The following ADAMTS13 variants were observed in gnomAD, a reference collection of about 807,000 sequenced individuals.
ADAMTS13 encodes the protein A disintegrin and metalloproteinase with thrombospondin motifs 13.
ADAMTS13 carries 110 observed loss-of-function variants against 155.1 expected under a neutral mutation model. The observed-to-expected ratio is 0.71, with a 90% CI of 0.61 to 0.83. The LOEUF (loss-of-function observed/expected upper bound fraction) is 0.83, where lower values mean the gene tolerates loss of function less well. Among genes scored for constraint, ADAMTS13 ranks in the 40% least tolerant of loss-of-function variants. The pLI is 0.00. For synonymous variants in ADAMTS13, 758 were observed against 756.4 expected, an observed-to-expected ratio of 1.00 and a Z score of -0.03; for missense variants, 1,707 against 1,891.7, an observed-to-expected ratio of 0.90 and a Z score of 1.81.
At chr9:133,433,082 G>C (rs1840891510) in intron 9 of ADAMTS13, among the ~76,000 whole-genome samples, 3 of 146,670 alleles carry the variant, frequency 2.0e-5, no homozygotes, top group Admixed American at 1.4e-4. Flanking sequence ...AGGGGTCCCT[G>C]GGGGGTTCTG....
intron 9 of ADAMTS13, among the ~76,000 whole-genome samples, chr9:133,433,092 G>T (rs1351173382): frequency 7.0e-6 from 1 of 142,862 alleles, no homozygotes; most frequent in Non-Finnish European, 1.5e-5. Flanking sequence ...GGGGGGTTCT[G>T]TGTGTATGTT....
chr9:133,433,503 C>A lies in ADAMTS13; in HGVS notation c.1218C>A (p.Thr406=). Residue 406 remains threonine, a synonymous_variant, in exon 10 of 29, where the codon ACC becomes ACA. Transcript: ENST00000355699. ...CSRSCGGGVV[T]RRRQCNNPRP... ...GCTCCTGCGGAGGAGGTGTGGTCAC[C>A]AGGAGGCGGCAGTGCAACAACCCCA... is the stretch of plus-strand genomic sequence containing the variant. The A allele has an allele frequency of 6.2e-7, 1 of 1,613,528 alleles. No individual in the cohort carries two copies. Among genetic ancestry groups the A allele is most frequent in the Non-Finnish European group, 8.5e-7 (1 of 1,179,892 alleles).
At chr9:133,438,126 G>A in intron 13 of ADAMTS13, 120 bp from the exon 14 acceptor site, 1 of 1,547,732 alleles carries the variant, frequency 6.5e-7, no homozygotes, top group Non-Finnish European at 8.9e-7. Context: ...TAGATGGTGG[G>A]GTGCTATAGA....
chr9:133,437,296 G>A (rs782460473), intron 12 of ADAMTS13, among the ~76,000 whole-genome samples: 4 of 152,132 alleles, frequency 2.6e-5, no homozygotes, highest in Non-Finnish European at 1.5e-5. Context: ...TTGCTCTGTC[G>A]CCCAGGCTGG....
Position 133,425,660 on chromosome 9 carries a change from A to G in ADAMTS13, c.414+48A>G. On this transcript the variant is annotated intron_variant, in intron 4 of 28. Coordinates refer to ENST00000355699, the MANE Select transcript of ADAMTS13 (RefSeq NM_139027.6). The surrounding 1 kb of genome is among the most constrained non-coding windows in gnomAD (Gnocchi z 4.6). The stretch of plus-strand genomic sequence containing the variant: ...GCACACCATACAGAGCGGGAAGCCC[A>G]AGTCATCGCATCTCCATCCTCTTTA... 6.3e-7 allele frequency: 1 copy of G among 1,580,706 alleles called. No individual in the cohort carries two copies. Among genetic ancestry groups the G allele is most frequent in the Non-Finnish European group, 8.6e-7 (1 of 1,156,806 alleles).
chr9:133,437,035 G>T (rs940761244), intron 12 of ADAMTS13, 80 bp downstream of exon 12: 5 of 1,510,088 alleles, frequency 3.3e-6, no homozygotes, highest in Non-Finnish European at 4.4e-6. Flanking sequence ...AGGGGGGTTG[G>T]CCTACTATCC....
intron 28 of ADAMTS13, among the ~76,000 whole-genome samples, chr9:133,458,576 A>AAAAAAAAAG (rs1842891463): frequency 6.7e-6 from 1 of 149,672 alleles, no homozygotes; most frequent in South Asian, 2.1e-4. Context: ...AAAAAAAAAA[A>AAAAAAAAAG]GCGAAATGGT....
intron 11 of ADAMTS13, among the ~76,000 whole-genome samples, chr9:133,434,126 G>C (rs1478844155): frequency 6.6e-6 from 1 of 151,568 alleles, no homozygotes; most frequent in East Asian, 1.9e-4. Context: ...AAAAGAGAGA[G>C]AAGGACATTG....
At chr9:133,416,358 C>T (rs990107488) in intron 1 of ADAMTS13, among the ~76,000 whole-genome samples, 3 of 152,192 alleles carry the variant, frequency 2.0e-5, no homozygotes, top group African/African-American at 4.8e-5. Flanking sequence ...CTGGGGATCA[C>T]ATTTCTTTTT....
intron 8 of ADAMTS13, among the ~76,000 whole-genome samples, chr9:133,431,379 T>C (rs1353948953): frequency 6.7e-6 from 1 of 149,912 alleles, no homozygotes; most frequent in Non-Finnish European, 1.5e-5. Flanking sequence ...CAGGCTGGAG[T>C]GCAGTGGCAC....
At chr9:133,434,732 C>G (rs992532640) in intron 11 of ADAMTS13, among the ~76,000 whole-genome samples, 1 of 152,208 alleles carries the variant, frequency 6.6e-6, no homozygotes, top group Non-Finnish European at 1.5e-5. Context: ...AGTTTCAGAA[C>G]GTTTCCAGTA....
chr9:133,432,473 G>A, intron 8 of ADAMTS13, 115 bp from the exon 9 acceptor site: 8 of 924,990 alleles, frequency 8.6e-6, no homozygotes, highest in Non-Finnish European at 1.4e-5. Context: ...CCACGGTGCA[G>A]AGTGTTGGCT....
chr9:133,415,655 T>C (rs1839547648), intron 1 of ADAMTS13: 1 of 152,392 alleles, frequency 6.6e-6, no homozygotes. Flanking sequence ...AGGCGGGTGC[T>C]ACTTACCTGT....
chr9:133,433,808 C>T (rs587758195), intron 11 of ADAMTS13, 104 bp downstream of exon 11: 2 of 1,395,890 alleles, frequency 1.4e-6, no homozygotes, highest in South Asian at 2.4e-5. Context: ...TTGAGAAGGA[C>T]ATTGGGGCCA....
intron 6 of ADAMTS13, among the ~76,000 whole-genome samples, chr9:133,427,583 A>G (rs138820179): frequency 5.6e-4 from 85 of 152,240 alleles, no homozygotes; most frequent in African/African-American, 2.0e-3. Flanking sequence ...AGAAGACGTG[A>G]GCCCCCAAAC....
rs587698109 is a variant in ADAMTS13, at chr9:133,425,551, C to T, written c.353C>T (p.Pro118Leu). The T allele has an allele frequency of 6.8e-6, 11 of 1,613,542 alleles. No homozygotes were observed. In the East Asian group the frequency reaches 8.9e-5, roughly 13 times the overall value. ...CAGGGGGCAGAACTGCTTCGGGACCCGTCCCTGGGGGCTCAGTTTCGGGTG... is the reference window on the plus strand; with the variant it reads ...CAGGGGGCAGAACTGCTTCGGGACCTGTCCCTGGGGGCTCAGTTTCGGGTG... ...LNIGAELLRDPSLGAQFRVHL... is the reference protein window; with the variant it reads ...LNIGAELLRDLSLGAQFRVHL... Residue 118 changes from proline to leucine, a missense_variant, in exon 4 of 29, where the codon CCG (proline) becomes CTG (leucine). Pro to Leu is a moderately conservative substitution (Grantham distance 98). Around this residue, in one of 3 missense-constraint regions of ADAMTS13, gnomAD observed 733 missense variants for 749.6 expected, o/e 0.98. Transcript: ENST00000355699. This position sits in a 1 kb window ranked among gnomAD's most constrained non-coding sequence, Gnocchi z 4.6.
chr9:133,442,490 T>C lies in ADAMTS13; in HGVS notation c.2060T>C (p.Val687Ala). The C allele has an allele frequency of 6.2e-7, 1 of 1,613,654 alleles. No homozygotes were observed. Among genetic ancestry groups the C allele is most frequent in the African/African-American group, 1.3e-5 (1 of 75,050 alleles). The change falls in exon 17 of 29, where the codon GTG (valine) becomes GCG (alanine). Residue 687 changes from valine (V) to alanine (A), a missense_variant. Around this residue, in one of 3 missense-constraint regions of ADAMTS13, gnomAD observed 961 missense variants for 1,107.9 expected, o/e 0.87. Transcript: ENST00000355699. The stretch of plus-strand genomic sequence containing the variant: ...CAGCCTAAGCCACGGCAGGCCTGGG[T>C]GTGGGCCGCTGTGCGTGGGCCCTGC... ...YFQPKPRQAW[V>A]WAAVRGPCSV...
At position 133,424,504 on chromosome 9, in the gene ADAMTS13, A is replaced by T; in HGVS notation, c.330+26A>T. On this transcript the variant is annotated intron_variant, in intron 3 of 28. Coordinates refer to ENST00000355699, the MANE Select transcript of ADAMTS13 (RefSeq NM_139027.6). The surrounding 1 kb of genome is among the most constrained non-coding windows in gnomAD (Gnocchi z 4.3). ...GTGAGTGCCCCACGCTGGACTGTGC[A>T]GGTCCCCACGGCCAGGGCTGGTGAC... 1.2e-6 allele frequency: 2 copies of T among 1,601,808 alleles called. No homozygotes were observed. The highest frequency in any genetic ancestry group is 1.7e-6 in the Non-Finnish European group (2 of 1,174,432).
intron 22 of ADAMTS13, 87 bp downstream of exon 22, chr9:133,448,815 A>C: frequency 6.5e-7 from 1 of 1,534,730 alleles, no homozygotes; most frequent in Non-Finnish European, 8.7e-7. Context: ...TGACCTGCGG[A>C]GGGGGGCAGG....
Sources: allele counts gnomAD v4.1 joint callset (sites outside exome capture counted in the v4.1 genomes callset), GRCh38; gene constraint gnomAD v4.1.1; regional missense constraint gnomAD v4.1.1; non-coding constraint Gnocchi (gnomAD v3.1); transcripts MANE v1.5; gene names NCBI Gene and HGNC (gene_info 2026-07-23, HGNC 2026-07-21).